The following SKAP1 variants were observed in gnomAD, a reference collection of about 807,000 sequenced individuals.
SKAP1 encodes the protein src kinase associated phosphoprotein 1.
Under a neutral mutation model 58.5 loss-of-function variants are expected in SKAP1, and 44 were observed. The observed-to-expected ratio is 0.75, with a 90% CI of 0.59 to 0.97. The LOEUF (loss-of-function observed/expected upper bound fraction) is 0.97. SKAP1 is among the 50% of genes least tolerant of loss of function. The probability of loss-of-function intolerance (pLI) is 0.00; values close to 1 mark genes in which losing one functional copy is unlikely to be tolerated. For missense variants in SKAP1, 390 were observed against 435.2 expected, an observed-to-expected ratio of 0.90 and a Z score of 0.92; for synonymous variants, 127 against 149.7, an observed-to-expected ratio of 0.85 and a Z score of 1.11.
At chr17:48,422,445 C>T (rs910588504) in intron 1 of SKAP1, among the ~76,000 whole-genome samples, 1 of 152,120 alleles carries the variant, frequency 6.6e-6, no homozygotes, top group Non-Finnish European at 1.5e-5. Context: ...TTCAAATATT[C>T]ATTCCTTTAT....
intron 11 of SKAP1, among the ~76,000 whole-genome samples, chr17:48,147,653 G>A (rs1478729095): frequency 6.6e-6 from 1 of 152,186 alleles, no homozygotes; most frequent in East Asian, 1.9e-4. Flanking sequence ...CGGTGGGTTA[G>A]TGATGTTGGA....
At chr17:48,199,445 T>G (rs1444516990) in intron 4 of SKAP1, among the ~76,000 whole-genome samples, 1 of 152,212 alleles carries the variant, frequency 6.6e-6, no homozygotes, top group East Asian at 1.9e-4. Context: ...TGTATTCTGT[T>G]TTTCCTGTTT....
intron 2 of SKAP1, among the ~76,000 whole-genome samples, chr17:48,367,457 G>A (rs2067018691): frequency 6.7e-6 from 1 of 149,136 alleles, no homozygotes; most frequent in Admixed American, 6.8e-5. Context: ...TGTAAGCCAT[G>A]TAAGGTGATG....
chr17:48,377,436 T>C (rs531238077), intron 2 of SKAP1: 2 of 151,918 alleles, frequency 1.3e-5, no homozygotes, highest in East Asian at 3.9e-4. Context: ...AAATTAGCCA[T>C]GTGTAGTGGC....
intron 4 of SKAP1, among the ~76,000 whole-genome samples, chr17:48,197,245 G>A (rs371923589): frequency 3.4e-4 from 42 of 122,156 alleles, no homozygotes; most frequent in African/African-American, 9.6e-4. Flanking sequence ...GTGATAGAGC[G>A]AGACTCCGAC....
chr17:48,294,773 C>A (rs1452045354), intron 4 of SKAP1, among the ~76,000 whole-genome samples: 2 of 152,146 alleles, frequency 1.3e-5, no homozygotes, highest in African/African-American at 4.8e-5. Flanking sequence ...ACTTCAGCAT[C>A]ACCTCCATGT....
At chr17:48,419,284 G>C (rs1488855776) in intron 1 of SKAP1, among the ~76,000 whole-genome samples, 1 of 150,936 alleles carries the variant, frequency 6.6e-6, no homozygotes, top group Non-Finnish European at 1.5e-5. Context: ...AAAGAATTTG[G>C]GGCTTTTTTT....
At chr17:48,317,619 T>C (rs975889542) in intron 4 of SKAP1, among the ~76,000 whole-genome samples, 9 of 152,356 alleles carry the variant, frequency 5.9e-5, no homozygotes, top group Admixed American at 4.6e-4. Flanking sequence ...AAACAAATGA[T>C]AATAGGCAAG....
At chr17:48,310,384 T>C (rs1038300180) in intron 4 of SKAP1, among the ~76,000 whole-genome samples, 19 of 152,198 alleles carry the variant, frequency 1.2e-4, no homozygotes, top group East Asian at 9.6e-4. Flanking sequence ...GAAGAAAAAC[T>C]CCACAGTTAC....
chr17:48,334,935 A>T (rs985519556), intron 4 of SKAP1, among the ~76,000 whole-genome samples: 1 of 151,922 alleles, frequency 6.6e-6, no homozygotes, highest in Non-Finnish European at 1.5e-5. Context: ...TAAAAAAATA[A>T]TCATAATCTC....
At chr17:48,378,289 G>A (rs1287123561) in intron 2 of SKAP1, among the ~76,000 whole-genome samples, 1 of 152,162 alleles carries the variant, frequency 6.6e-6, no homozygotes, top group Non-Finnish European at 1.5e-5. Context: ...ACAGGTCTGG[G>A]TTGAAGTCCC....
intron 6 of SKAP1, among the ~76,000 whole-genome samples, chr17:48,187,099 T>C (rs916908430): frequency 5.9e-5 from 9 of 152,246 alleles, no homozygotes; most frequent in African/African-American, 1.9e-4. Context: ...TTTGCATTCA[T>C]CTATAATAAT....
intron 10 of SKAP1, among the ~76,000 whole-genome samples, chr17:48,166,609 G>A (rs1393263913): frequency 1.3e-5 from 2 of 152,202 alleles, no homozygotes; most frequent in Non-Finnish European, 2.9e-5. Flanking sequence ...AGGCAGGCCA[G>A]CATGTTATTT....
chr17:48,224,809 G>A (rs2065048017), intron 4 of SKAP1, among the ~76,000 whole-genome samples: 1 of 152,106 alleles, frequency 6.6e-6, no homozygotes, highest in African/African-American at 2.4e-5. Context: ...TTTGGGGGAG[G>A]GGAGATGGGT....
At chr17:48,243,449 C>T (rs2065262537) in intron 4 of SKAP1, among the ~76,000 whole-genome samples, 1 of 152,084 alleles carries the variant, frequency 6.6e-6, no homozygotes, top group East Asian at 1.9e-4. Flanking sequence ...ATTTGTCAAA[C>T]AGTTCATCTT....
In SKAP1 at chr17:48,400,930, C is replaced by CT. The variant is rs2067492050; in HGVS notation, c.47-4146dup. On this transcript the variant is annotated intron_variant, in intron 1 of 12. Coordinates refer to ENST00000336915, the MANE Select transcript of SKAP1 (RefSeq NM_003726.4). ...TAACCCCTATCAAAATCCCAGCTGG[C>CT]TTTTTTTGTAGAAATTGAAAAGCTA... Among the ~76,000 whole-genome samples the CT allele has an allele frequency of 2.6e-5, 4 of 152,082 alleles. No homozygotes were observed. In the South Asian group the frequency reaches 8.3e-4, roughly 32 times the overall value.
chr17:48,400,711 G>C (rs2067489106), intron 1 of SKAP1, among the ~76,000 whole-genome samples: 1 of 151,790 alleles, frequency 6.6e-6, no homozygotes, highest in Non-Finnish European at 1.5e-5. Flanking sequence ...TCACATCACT[G>C]CACTCCAGGC....
intron 4 of SKAP1, among the ~76,000 whole-genome samples, chr17:48,211,457 A>C (rs2064872118): frequency 6.6e-6 from 1 of 152,194 alleles, no homozygotes; most frequent in African/African-American, 2.4e-5. Context: ...TGTTTCAGCC[A>C]ACTCTCAACG....
At chr17:48,265,469 C>A (rs142000641) in intron 4 of SKAP1, among the ~76,000 whole-genome samples, 1 of 150,788 alleles carries the variant, frequency 6.6e-6, no homozygotes, top group Non-Finnish European at 1.5e-5. Flanking sequence ...CGCACCACTG[C>A]ACTCCAGCCT....
Sources: gnomAD v4.1 joint callset for allele counts (sites outside exome capture counted in the v4.1 genomes callset) on GRCh38, gnomAD v4.1.1 for gene constraint, MANE v1.5 for transcripts, NCBI Gene and HGNC (gene_info 2026-07-23, HGNC 2026-07-21) for gene names.